SDK2: variants seen among roughly 807,000 people sequenced by gnomAD.
SDK2 encodes sidekick cell adhesion molecule 2, also known as protein sidekick-2.
SDK2 carries 105 observed loss-of-function variants against 253.9 expected under a neutral mutation model. The observed-to-expected ratio is 0.41, with a 90% CI of 0.35 to 0.49. The LOEUF (loss-of-function observed/expected upper bound fraction) is 0.49. SDK2 is among the 20% of genes least tolerant of loss of function. The pLI, the probability that SDK2 is intolerant of heterozygous loss-of-function variation, is 0.06. For synonymous variants in SDK2, 1,249 were observed against 1,234.9 expected (o/e 1.01, Z -0.24); for missense variants, 2,608 against 3,003.0 (o/e 0.87, Z 3.07).
rs1448396766 is a variant in SDK2 at position 73,423,374 on chromosome 17, C to T, written c.1897+12G>A. 8 of 1,433,110 alleles carry T rather than the reference C, an allele frequency of 5.6e-6. No homozygotes were observed. Among genetic ancestry groups the T allele is most frequent in the Non-Finnish European group, 6.5e-6 (7 of 1,080,110 alleles). The allele number at this position is 1,433,110 out of a possible 1,614,324, so 88.8% of individuals were successfully genotyped here. On this transcript the variant is annotated intron_variant, in intron 14 of 44. Coordinates refer to ENST00000392650, the MANE Select transcript of SDK2 (RefSeq NM_001144952.2). ...GGGCGGGAGGTGTTGGAGGTGACCA[C>T]GGGAAGCTTACTGTTCTCCGACATC...
At chr17:73,538,826 A>C (rs2044821299) in intron 1 of SDK2, among the ~76,000 whole-genome samples, 1 of 152,170 alleles carries the variant, frequency 6.6e-6, no homozygotes. Context: ...CCTCAGTGTC[A>C]GCACTTTCTA....
chr17:73,502,039 C>T (rs1271106367), intron 2 of SDK2, among the ~76,000 whole-genome samples: 1 of 151,998 alleles, frequency 6.6e-6, no homozygotes, highest in Non-Finnish European at 1.5e-5. Flanking sequence ...GCCACAATCA[C>T]ACATACTCAG....
intron 1 of SDK2, among the ~76,000 whole-genome samples, chr17:73,593,948 G>A (rs1239988115): frequency 6.6e-6 from 1 of 152,186 alleles, no homozygotes; most frequent in Non-Finnish European, 1.5e-5. Flanking sequence ...AATCCCCACA[G>A]GGAATTTACA....
intron 24 of SDK2, among the ~76,000 whole-genome samples, chr17:73,396,590 C>T (rs1329012769): frequency 3.9e-5 from 6 of 152,184 alleles, no homozygotes; most frequent in Admixed American, 1.3e-4. Flanking sequence ...TCCTGAGAGC[C>T]GGAGATGGGG....
chr17:73,414,186 T>C (rs1057231873), intron 18 of SDK2, among the ~76,000 whole-genome samples: 2 of 151,974 alleles, frequency 1.3e-5, no homozygotes, highest in African/African-American at 2.4e-5. Flanking sequence ...TAGCTGGGAT[T>C]ACAGGCGCCC....
rs1486511702 is a variant in SDK2, at chr17:73,368,541, A to T, written c.5033T>A (p.Leu1678His). 6.2e-7 allele frequency: 1 copy of T among 1,608,690 alleles called. No individual in the cohort carries two copies. The highest frequency in any genetic ancestry group is 1.3e-5 in the African/African-American group (1 of 74,900). The change falls in exon 37 of 45, where the codon CTT becomes CAT. Residue 1678 changes from leucine to histidine, a missense_variant. By Grantham distance (99) the Leu-to-His change is moderately conservative. This residue lies in a region of SDK2 where 1,103 missense variants were observed against 1,143.9 expected (regional missense o/e 0.96). Transcript: ENST00000392650. ...RGNLTERVKT[L>H]FLAENSVKLK... is the part of the protein sequence containing the mutation. ...CTTCACGCTGTTCTCAGCCAGGAAAAGCGTCTTCACTCGCTCTGTGAGGTT... is the reference window on the plus strand; with the variant it reads ...CTTCACGCTGTTCTCAGCCAGGAAATGCGTCTTCACTCGCTCTGTGAGGTT...
At chr17:73,410,594 G>A (rs2063117475) in intron 18 of SDK2, among the ~76,000 whole-genome samples, 1 of 152,220 alleles carries the variant, frequency 6.6e-6, no homozygotes. Context: ...TAGGATTCCA[G>A]GCATGAGCCA....
At chr17:73,530,839 C>T (rs1385861691) in intron 1 of SDK2, among the ~76,000 whole-genome samples, 1 of 152,180 alleles carries the variant, frequency 6.6e-6, no homozygotes, top group Non-Finnish European at 1.5e-5. Flanking sequence ...CCCAGTAGAG[C>T]ATCTAGCTAC....
chr17:73,422,456 C>A lies in SDK2; in HGVS notation c.1898-22G>T, dbSNP rs201687227. 133 of 1,609,864 alleles carry A rather than the reference C, an allele frequency of 8.3e-5. 1 individual carries two copies. The East Asian group carries it at 2.9e-3, about 35-fold the overall frequency. ...GCATCTGCAGGGACAGTGAGTGGGG[C>A]AGAAGTGGGTATCTTGGGTGGGATG... On this transcript the variant is annotated intron_variant, in intron 14 of 44. Transcript: ENST00000392650.
rs138124301 is a variant in SDK2, at chr17:73,596,893, G to A, written c.64+47132C>T. 3.4e-3 allele frequency among the ~76,000 whole-genome samples: 515 copies of A among 152,280 alleles called. 1 individual carries two copies. Among genetic ancestry groups the A allele is most frequent in the African/African-American group, 7.4e-3 (308 of 41,538 alleles). ...AATGGGAGGTGCTAACCTTGTCTTC[G>A]GAGTTGCCCGCTTGCTCCCTCCACC... On this transcript the variant is annotated intron_variant, in intron 1 of 44. Coordinates refer to ENST00000392650, the MANE Select transcript of SDK2 (RefSeq NM_001144952.2).
intron 5 of SDK2, among the ~76,000 whole-genome samples, chr17:73,444,349 C>T (rs1355462289): frequency 6.6e-6 from 1 of 152,158 alleles, no homozygotes; most frequent in African/African-American, 2.4e-5. Context: ...ATGAAGGTCA[C>T]CCCAGCACAA....
At chr17:73,393,788 C>A (rs769302870) in intron 26 of SDK2, 39 bp from the exon 27 acceptor site, 1 of 1,437,666 alleles carries the variant, frequency 7.0e-7, no homozygotes, top group Non-Finnish European at 9.3e-7. Flanking sequence ...CTCAGGCCTG[C>A]ATCTCACCCA....
intron 2 of SDK2, among the ~76,000 whole-genome samples, chr17:73,476,154 C>CA (rs926419934): frequency 7.7e-4 from 116 of 151,456 alleles, no homozygotes; most frequent in Middle Eastern, 3.4e-3. Flanking sequence ...TGCAAACAAA[C>CA]AAAAAAAAGG....
chr17:73,474,656 T>C (rs2063673392), intron 2 of SDK2, among the ~76,000 whole-genome samples: 1 of 152,192 alleles, frequency 6.6e-6, no homozygotes, highest in African/African-American at 2.4e-5. Flanking sequence ...TCTTCCTCCG[T>C]TCACCTCATC....
Position 73,379,442 on chromosome 17 carries a change from G to A in SDK2, c.4864+6C>T. On this transcript the variant is annotated splice_donor_region_variant and intron_variant, in intron 35 of 44. Coordinates refer to ENST00000392650, the MANE Select transcript of SDK2 (RefSeq NM_001144952.2). The surrounding 1 kb of genome is among the most constrained non-coding windows in gnomAD (Gnocchi z 4.5). The stretch of plus-strand genomic sequence containing the variant: ...GCTGGGGCCGGACAGGGCGGGCGCT[G>A]CTCACCTGCCTCCCCAACAAAGACC... 6.3e-7 allele frequency: 1 copy of A among 1,596,098 alleles called. No individual in the cohort carries two copies. Among genetic ancestry groups the A allele is most frequent in the East Asian group, 2.2e-5 (1 of 44,790 alleles).
chr17:73,619,210 G>C (rs1259109871), intron 1 of SDK2, among the ~76,000 whole-genome samples: 2 of 151,324 alleles, frequency 1.3e-5, no homozygotes, highest in East Asian at 1.9e-4. Flanking sequence ...CCTGGGGAGT[G>C]AACCAAAGTG....
chr17:73,400,152 C>T (rs957085652), intron 21 of SDK2, among the ~76,000 whole-genome samples: 4 of 152,172 alleles, frequency 2.6e-5, no homozygotes, highest in African/African-American at 9.6e-5. Context: ...TGGATGGGAC[C>T]ACATGGTTAT....
At chr17:73,502,408 G>C (rs1025116497) in intron 2 of SDK2, among the ~76,000 whole-genome samples, 1 of 147,060 alleles carries the variant, frequency 6.8e-6, no homozygotes. Context: ...TTTTCAGTAT[G>C]CATTTATTTA....
chr17:73,448,761 A>T (rs1307882550), intron 4 of SDK2, among the ~76,000 whole-genome samples: 1 of 151,766 alleles, frequency 6.6e-6, no homozygotes, highest in East Asian at 1.9e-4. Context: ...TCCCGGTTCA[A>T]GTGATTTTCC....
Sources: gnomAD v4.1 joint callset for allele counts (sites outside exome capture counted in the v4.1 genomes callset) on GRCh38, gnomAD v4.1.1 for gene constraint, gnomAD v4.1.1 regional missense constraint, Gnocchi (gnomAD v3.1) non-coding constraint, MANE v1.5 for transcripts, NCBI Gene and HGNC (gene_info 2026-07-23, HGNC 2026-07-21) for gene names.